NEK10: variants seen among roughly 807,000 people sequenced by gnomAD.
The protein encoded by NEK10 is serine/threonine-protein kinase Nek10.
In NEK10, 122 loss-of-function variants were observed where a neutral mutation model predicts 159.8. That is an observed-to-expected ratio of 0.76 (90% CI 0.66 to 0.89). NEK10 has a LOEUF of 0.89. Ranked by LOEUF, NEK10 falls within the 40% of genes least tolerant of loss-of-function variation. NEK10 has a pLI of 0.00. For missense variants in NEK10, 1,342 were observed against 1,323.1 expected, an observed-to-expected ratio of 1.01 and a Z score of -0.22; for synonymous variants, 466 against 457.1, an observed-to-expected ratio of 1.02 and a Z score of -0.25.
chr3:27,174,756 T>G lies in NEK10; in HGVS notation c.2583A>C (p.Ala861=). 6.2e-7 allele frequency: 1 copy of G among 1,613,194 alleles called. No individual in the cohort carries two copies. The highest frequency in any genetic ancestry group is 8.5e-7 in the Non-Finnish European group (1 of 1,179,672). Residue 861 remains alanine, a synonymous_variant, in exon 27 of 36, where the codon GCA becomes GCC. Transcript: ENST00000691995. The part of the protein sequence containing the change: ...ASLKSELSES[A]DLPPEGFQAS... Reference sequence around the variant, plus strand: ...CCTGGAAGCCTTCAGGGGGCAGGTCTGCGCTTTCTGAAAGTTCACTTTTCA... The same window carrying G: ...CCTGGAAGCCTTCAGGGGGCAGGTCGGCGCTTTCTGAAAGTTCACTTTTCA...
At chr3:27,193,416 G>A (rs1212274041) in intron 25 of NEK10, among the ~76,000 whole-genome samples, 1 of 151,852 alleles carries the variant, frequency 6.6e-6, no homozygotes, top group Non-Finnish European at 1.5e-5. Flanking sequence ...AGTTCTCATG[G>A]TCCAATAGGA....
chr3:27,258,369 C>A (rs913178693), intron 22 of NEK10, among the ~76,000 whole-genome samples: 10 of 129,582 alleles, frequency 7.7e-5, no homozygotes, highest in Non-Finnish European at 1.6e-4. Context: ...ATCCCTCCCC[C>A]CTCCCCCTAC....
chr3:27,216,998 A>T (rs1455326811), intron 23 of NEK10, among the ~76,000 whole-genome samples: 1 of 152,200 alleles, frequency 6.6e-6, no homozygotes, highest in Non-Finnish European at 1.5e-5. Context: ...AAGAGAAAAA[A>T]CCAAAAACTT....
chr3:27,138,962 A>C (rs1378442773), intron 31 of NEK10, among the ~76,000 whole-genome samples: 2 of 152,218 alleles, frequency 1.3e-5, no homozygotes, highest in Non-Finnish European at 2.9e-5. Flanking sequence ...TTACAGAAAG[A>C]AAATGACAAG....
At chr3:27,230,415 C>A (rs1953115986) in intron 23 of NEK10, among the ~76,000 whole-genome samples, 1 of 151,874 alleles carries the variant, frequency 6.6e-6, no homozygotes, top group South Asian at 2.1e-4. Context: ...AAAATAGAAC[C>A]ACCTTAAAGC....
At chr3:27,116,164 G>T in intron 33 of NEK10, 37 bp from the exon 34 acceptor site, 1 of 1,594,952 alleles carries the variant, frequency 6.3e-7, no homozygotes. Context: ...TGACATTTGG[G>T]TTCACATTTT....
intron 13 of NEK10, among the ~76,000 whole-genome samples, chr3:27,300,297 C>A (rs1346021170): frequency 6.6e-6 from 1 of 152,002 alleles, no homozygotes; most frequent in Non-Finnish European, 1.5e-5. Flanking sequence ...ATTGAAAGTG[C>A]ATGGAGTTTC....
At chr3:27,230,492 T>C (rs1486177292) in intron 23 of NEK10, among the ~76,000 whole-genome samples, 1 of 151,922 alleles carries the variant, frequency 6.6e-6, no homozygotes, top group Non-Finnish European at 1.5e-5. Flanking sequence ...ACAAGTAACA[T>C]GATGAATAGA....
chr3:27,186,229 A>G (rs1456945318), intron 26 of NEK10, among the ~76,000 whole-genome samples: 1 of 152,224 alleles, frequency 6.6e-6, no homozygotes, highest in East Asian at 1.9e-4. Flanking sequence ...AACACATCCC[A>G]ACATATTTTG....
At chr3:27,312,322 A>G in intron 7 of NEK10, 145 bp from the exon 8 acceptor site, 1 of 499,482 alleles carries the variant, frequency 2.0e-6, no homozygotes, top group East Asian at 3.2e-5. Context: ...TGGAACAGTT[A>G]TCGCTCAAGT....
At chr3:27,354,863 T>C (rs573820456) in intron 1 of NEK10, among the ~76,000 whole-genome samples, 60 of 152,346 alleles carry the variant, frequency 3.9e-4, no homozygotes, top group African/African-American at 1.3e-3. Flanking sequence ...CTGGCTCTCA[T>C]ATTCCTGTAG....
chr3:27,315,489 T>C (rs2045084036), intron 6 of NEK10, among the ~76,000 whole-genome samples: 1 of 152,226 alleles, frequency 6.6e-6, no homozygotes, highest in Non-Finnish European at 1.5e-5. Flanking sequence ...TGAAGCCTCA[T>C]CAATGCTATT....
At chr3:27,192,298 G>A (rs1280966546) in intron 25 of NEK10, 56 bp from the exon 26 acceptor site, 4 of 1,315,212 alleles carry the variant, frequency 3.0e-6, no homozygotes, top group Middle Eastern at 2.3e-4. Context: ...GCAGGCCACA[G>A]AGTGTAAAGG....
chr3:27,156,929 GAT>G (rs4016654), intron 30 of NEK10, among the ~76,000 whole-genome samples: 292 of 28,268 alleles, frequency 0.01, 2 homozygotes, highest in Middle Eastern at 0.038. Flanking sequence ...TAAAGAAACT[GAT>G]ATATATATAT....
At chr3:27,344,082 A>G (rs1386508728) in intron 5 of NEK10, among the ~76,000 whole-genome samples, 190 bp downstream of exon 5, 3 of 152,228 alleles carry the variant, frequency 2.0e-5, no homozygotes, top group Non-Finnish European at 4.4e-5. Context: ...TATCTGTCAT[A>G]AAATTCAGCT....
intron 19 of NEK10, among the ~76,000 whole-genome samples, chr3:27,288,607 GTATTGAATA>G (rs2042786100): frequency 6.6e-6 from 1 of 152,160 alleles, no homozygotes; most frequent in South Asian, 2.1e-4. Flanking sequence ...TATTGCAATA[GTATTGAATA>G]AAGTCTTCCT....
At chr3:27,296,826 T>C (rs1394774590) in intron 14 of NEK10, among the ~76,000 whole-genome samples, 1 of 152,214 alleles carries the variant, frequency 6.6e-6, no homozygotes, top group East Asian at 1.9e-4. Flanking sequence ...AATAATCTGA[T>C]GCATAGTCTT....
At chr3:27,271,450 A>C (rs1438376755) in intron 22 of NEK10, among the ~76,000 whole-genome samples, 1 of 152,188 alleles carries the variant, frequency 6.6e-6, no homozygotes, top group Non-Finnish European at 1.5e-5. Flanking sequence ...TTCTTGACCA[A>C]CTTATAACCA....
chr3:27,339,577 G>C (rs1382023161), intron 5 of NEK10, among the ~76,000 whole-genome samples: 2 of 152,042 alleles, frequency 1.3e-5, no homozygotes, highest in East Asian at 3.9e-4. Flanking sequence ...TCAAGAGTTT[G>C]AGACCAGCCT....
Sources: gnomAD v4.1 joint callset for allele counts (sites outside exome capture counted in the v4.1 genomes callset) on GRCh38, gnomAD v4.1.1 for gene constraint, MANE v1.5 for transcripts, NCBI Gene and HGNC (gene_info 2026-07-23, HGNC 2026-07-21) for gene names.